Variants in FRMD4A observed in about 807,000 individuals in gnomAD.
FRMD4A encodes FERM domain containing 4A.
FRMD4A carries 29 observed loss-of-function variants against 129.1 expected under a neutral mutation model. That is an observed-to-expected ratio of 0.22 (90% CI 0.17 to 0.31). The LOEUF is 0.31. Among genes scored for constraint, FRMD4A ranks in the 10% least tolerant of loss-of-function variants. FRMD4A has a pLI of 1.00. For synonymous variants in FRMD4A, 634 were observed against 571.6 expected, an observed-to-expected ratio of 1.11 and a Z score of -1.56; for missense variants, 1,272 against 1,375.8, an observed-to-expected ratio of 0.92 and a Z score of 1.19.
intron 2 of FRMD4A, among the ~76,000 whole-genome samples, chr10:13,961,927 C>CATGAATGA (rs139864395): frequency 4.6e-5 from 7 of 151,998 alleles, no homozygotes; most frequent in African/African-American, 1.4e-4. Flanking sequence ...TGAACAAAGA[C>CATGAATGA]ATGAATGAAT....
At chr10:14,113,134 G>C (rs1429645932) in intron 2 of FRMD4A, among the ~76,000 whole-genome samples, 1 of 152,092 alleles carries the variant, frequency 6.6e-6, no homozygotes, top group Non-Finnish European at 1.5e-5. Context: ...CATTTCATTT[G>C]TCATCATTAT....
intron 2 of FRMD4A, among the ~76,000 whole-genome samples, chr10:14,072,995 GAA>G (rs1278629957): frequency 4.6e-5 from 7 of 151,996 alleles, no homozygotes; most frequent in African/African-American, 1.7e-4. Context: ...CATATGAAAG[GAA>G]AGAGAGAAAG....
intron 2 of FRMD4A, among the ~76,000 whole-genome samples, chr10:14,218,757 T>C (rs1490920147): frequency 6.6e-6 from 1 of 151,762 alleles, no homozygotes; most frequent in Non-Finnish European, 1.5e-5. Flanking sequence ...CCCTCCCAAA[T>C]GAGCCTGGCC....
At chr10:13,999,561 C>A (rs1435313243) in intron 2 of FRMD4A, among the ~76,000 whole-genome samples, 1 of 152,158 alleles carries the variant, frequency 6.6e-6, no homozygotes, top group Non-Finnish European at 1.5e-5. Flanking sequence ...TCCAATCCCT[C>A]CAATCACTCT....
At chr10:13,693,795 T>C (rs758215332) in intron 15 of FRMD4A, 103 bp downstream of exon 15, 2 of 1,225,712 alleles carry the variant, frequency 1.6e-6, no homozygotes, top group South Asian at 1.3e-5. Flanking sequence ...TTGGAGCAGC[T>C]TGCCCTGCAG....
intron 6 of FRMD4A, among the ~76,000 whole-genome samples, chr10:13,779,120 C>T (rs926665840): frequency 3.8e-4 from 58 of 152,106 alleles, no homozygotes; most frequent in Non-Finnish European, 7.2e-4. Flanking sequence ...CGTTCGAGAC[C>T]GGCCTGACTA....
chr10:13,896,972 T>C (rs997012338), intron 2 of FRMD4A, among the ~76,000 whole-genome samples: 1 of 152,236 alleles, frequency 6.6e-6, no homozygotes, highest in Admixed American at 6.5e-5. Context: ...GAAATTCATA[T>C]ATATTACCTA....
intron 2 of FRMD4A, among the ~76,000 whole-genome samples, chr10:14,183,506 A>G (rs1256666920): frequency 6.6e-6 from 1 of 151,212 alleles, no homozygotes; most frequent in African/African-American, 2.4e-5. Flanking sequence ...CATTATCTTC[A>G]TAGCTCTAAG....
chr10:13,884,154 T>TCACACACACACACTCACACACA (rs1564970810), intron 2 of FRMD4A, among the ~76,000 whole-genome samples: 1 of 111,158 alleles, frequency 9.0e-6, no homozygotes, highest in Non-Finnish European at 1.8e-5. Flanking sequence ...TCTCACACAC[T>TCACACACACACACTCACACACA]CTCACACACA....
At chr10:14,180,021 G>A (rs142689157) in intron 2 of FRMD4A, among the ~76,000 whole-genome samples, 1 of 152,246 alleles carries the variant, frequency 6.6e-6, no homozygotes, top group East Asian at 1.9e-4. Context: ...GCTACAGAGA[G>A]CAAGAATCCA....
intron 2 of FRMD4A, among the ~76,000 whole-genome samples, chr10:14,026,054 A>G (rs1464241520): frequency 1.3e-5 from 2 of 152,148 alleles, no homozygotes; most frequent in African/African-American, 4.8e-5. Context: ...TTAGTTCCCT[A>G]AACACTTTCT....
intron 3 of FRMD4A, among the ~76,000 whole-genome samples, chr10:13,852,214 G>C (rs76374735): frequency 6.6e-6 from 1 of 151,848 alleles, no homozygotes; most frequent in Non-Finnish European, 1.5e-5. Context: ...GAAATACAAC[G>C]TGAGCCACAA....
At chr10:13,844,798 G>A (rs753927599) in intron 3 of FRMD4A, among the ~76,000 whole-genome samples, 5 of 152,166 alleles carry the variant, frequency 3.3e-5, no homozygotes, top group Admixed American at 6.5e-5. Flanking sequence ...CACAGTTGAC[G>A]AGAATATGCT....
Position 13,680,967 on chromosome 10 carries a change from T to C in FRMD4A, c.1118-5923A>G, listed in dbSNP as rs114951744. ...AGACACTGGATTTTCATCACATATC[T>C]GCCATTAAATGGTGTAACGCCTTGA... On this transcript the variant is annotated intron_variant, in intron 15 of 24. Coordinates refer to ENST00000357447, the MANE Select transcript of FRMD4A (RefSeq NM_018027.5). Among the ~76,000 whole-genome samples the C allele has an allele frequency of 7.5e-3, 1,143 of 152,256 alleles. 14 individuals are homozygous for C. Among genetic ancestry groups the C allele is most frequent in the African/African-American group, 0.026 (1,097 of 41,562 alleles).
intron 2 of FRMD4A, among the ~76,000 whole-genome samples, chr10:13,986,150 G>A (rs1347596733): frequency 1.3e-5 from 2 of 152,098 alleles, no homozygotes; most frequent in African/African-American, 4.8e-5. Context: ...TGGTCCCAGG[G>A]TGTCAGCCCT....
At position 13,656,654 on chromosome 10, in the gene FRMD4A, T is replaced by C. The variant is rs1292580070; in HGVS notation, c.2935A>G (p.Met979Val). The C allele has an allele frequency of 1.3e-6, 2 of 1,487,456 alleles. No individual in the cohort carries two copies. The highest frequency in any genetic ancestry group is 1.8e-6 in the Non-Finnish European group (2 of 1,112,662). The allele number at this position is 1,487,456 out of a possible 1,614,324, so 92.1% of individuals were successfully genotyped here. ...AHSRVTRMPQ[M>V]CKATSAALPQ... Reference sequence around the variant, plus strand: ...CTCTCACCTGACGTGGCCTTGCACATCTGGGGCATCCTGGTGACCCTGCTG... The same window carrying C: ...CTCTCACCTGACGTGGCCTTGCACACCTGGGGCATCCTGGTGACCCTGCTG... Residue 979 changes from methionine (M) to valine (V), a missense_variant, in exon 22 of 25, where the codon ATG becomes GTG. By Grantham distance (21) the Met-to-Val change is conservative (BLOSUM62 1). This residue lies in a region of FRMD4A where 972 missense variants were observed against 892.3 expected (regional missense o/e 1.09). Transcript: ENST00000357447.
At position 14,295,929 on chromosome 10, in the gene FRMD4A, G is replaced by A. The variant is rs1218462; in HGVS notation, c.45+34129C>T. ...CGGGGTCAACATAAATGGGTGAAACGATCTTTTTCGAAATGCCATGACATG... is the reference window on the plus strand; with the variant it reads ...CGGGGTCAACATAAATGGGTGAAACAATCTTTTTCGAAATGCCATGACATG... On this transcript the variant is annotated intron_variant, in intron 2 of 24. Coordinates refer to ENST00000357447, the MANE Select transcript of FRMD4A (RefSeq NM_018027.5). Among the ~76,000 whole-genome samples the A allele has an allele frequency of 5.4e-3, 824 of 152,164 alleles. 7 individuals carry two copies. The highest frequency in any genetic ancestry group is 0.019 in the African/African-American group (780 of 41,536).
At chr10:13,864,351 A>AAAAG (rs1234965923) in intron 2 of FRMD4A, among the ~76,000 whole-genome samples, 45 of 150,796 alleles carry the variant, frequency 3.0e-4, no homozygotes, top group African/African-American at 1.0e-3. Flanking sequence ...AAAAAAAAAA[A>AAAAG]AAAGAAAAAA....
intron 2 of FRMD4A, among the ~76,000 whole-genome samples, chr10:14,066,500 G>C (rs945939964): frequency 2.0e-5 from 3 of 152,152 alleles, no homozygotes; most frequent in Non-Finnish European, 4.4e-5. Flanking sequence ...TAAAGAGTGT[G>C]AAGTTGTATG....
Sources: allele counts gnomAD v4.1 joint callset (sites outside exome capture counted in the v4.1 genomes callset), GRCh38; gene constraint gnomAD v4.1.1; regional missense constraint gnomAD v4.1.1; transcripts MANE v1.5; gene names NCBI Gene and HGNC (gene_info 2026-07-23, HGNC 2026-07-21).